Variants in CDKAL1 observed in about 807,000 individuals in gnomAD.
The protein encoded by CDKAL1 is CDKAL1 threonylcarbamoyladenosine tRNA methylthiotransferase.
CDKAL1 carries 32 observed loss-of-function variants against 68.2 expected under a neutral mutation model. The observed-to-expected ratio is 0.47, with a 90% CI of 0.35 to 0.63. CDKAL1 has a LOEUF of 0.63. Among genes scored for constraint, CDKAL1 ranks in the 30% least tolerant of loss-of-function variants. The pLI is 0.00. For missense variants in CDKAL1, 606 were observed against 696.7 expected (o/e 0.87, Z 1.47); for synonymous variants, 234 against 244.3 (o/e 0.96, Z 0.39).
intron 4 of CDKAL1, among the ~76,000 whole-genome samples, chr6:20,626,652 A>G (rs933401936): frequency 3.3e-5 from 5 of 152,132 alleles, no homozygotes; most frequent in Non-Finnish European, 7.4e-5. Flanking sequence ...TCATTTTTAC[A>G]TTTTGAGGGT....
chr6:21,040,920 C>T (rs1479389019), intron 11 of CDKAL1, among the ~76,000 whole-genome samples: 3 of 152,080 alleles, frequency 2.0e-5, no homozygotes, highest in Non-Finnish European at 2.9e-5. Context: ...GATAAGACTG[C>T]AGTTGCCCAT....
chr6:20,680,731 A>G (rs6931254), intron 5 of CDKAL1, among the ~76,000 whole-genome samples: 15,104 of 152,262 alleles, frequency 0.099, 2,418 homozygotes, highest in African/African-American at 0.34. Flanking sequence ...TGCTTTCTGC[A>G]TGGAGCTTTG....
intron 9 of CDKAL1, among the ~76,000 whole-genome samples, chr6:20,862,439 C>T (rs950983585): frequency 6.6e-6 from 1 of 152,160 alleles, no homozygotes; most frequent in Non-Finnish European, 1.5e-5. Context: ...ATAAAGCATA[C>T]TTACTAAATA....
chr6:20,597,280 C>T (rs1292960478), intron 4 of CDKAL1, among the ~76,000 whole-genome samples: 1 of 152,042 alleles, frequency 6.6e-6, no homozygotes, highest in African/African-American at 2.4e-5. Flanking sequence ...AGGCGCCTGC[C>T]ACCACGCCTT....
At chr6:21,118,104 C>CT (rs1774509631) in intron 13 of CDKAL1, among the ~76,000 whole-genome samples, 1 of 152,168 alleles carries the variant, frequency 6.6e-6, no homozygotes, top group Non-Finnish European at 1.5e-5. Flanking sequence ...TTTCCAATCT[C>CT]TCCCTACCCC....
chr6:21,208,813 C>T (rs1779037355), intron 15 of CDKAL1, among the ~76,000 whole-genome samples: 1 of 152,138 alleles, frequency 6.6e-6, no homozygotes. Flanking sequence ...TGCTGCTGAG[C>T]TATATTTTAT....
chr6:21,145,611 G>A (rs1776126549), intron 13 of CDKAL1, among the ~76,000 whole-genome samples: 1 of 152,242 alleles, frequency 6.6e-6, no homozygotes, highest in African/African-American at 2.4e-5. Context: ...AGGGAATAGA[G>A]TGATATCAAG....
chr6:20,977,897 T>C (rs924191120), intron 10 of CDKAL1, among the ~76,000 whole-genome samples: 1 of 152,058 alleles, frequency 6.6e-6, no homozygotes, highest in South Asian at 2.1e-4. Flanking sequence ...ATGATAATAA[T>C]AATAATCATT....
At chr6:20,984,887 C>T (rs953979051) in intron 10 of CDKAL1, among the ~76,000 whole-genome samples, 1 of 151,994 alleles carries the variant, frequency 6.6e-6, no homozygotes, top group Non-Finnish European at 1.5e-5. Flanking sequence ...TGTAAGTTCT[C>T]ATTTTGGGCT....
intron 13 of CDKAL1, among the ~76,000 whole-genome samples, chr6:21,161,219 G>T (rs1776911964): frequency 6.6e-6 from 1 of 151,828 alleles, no homozygotes; most frequent in Non-Finnish European, 1.5e-5. Context: ...ACTTGACAAG[G>T]CTACATTTTT....
intron 10 of CDKAL1, among the ~76,000 whole-genome samples, chr6:20,994,694 TAA>T (rs1174523413): frequency 2.0e-5 from 3 of 152,228 alleles, no homozygotes; most frequent in African/African-American, 7.2e-5. Flanking sequence ...CTAGTGTATG[TAA>T]AAGTTATGTT....
At chr6:20,541,629 C>T (rs1763389713) in intron 2 of CDKAL1, among the ~76,000 whole-genome samples, 1 of 152,034 alleles carries the variant, frequency 6.6e-6, no homozygotes, top group South Asian at 2.1e-4. Context: ...TTCCCCATTC[C>T]AGTGTCTAGG....
intron 13 of CDKAL1, among the ~76,000 whole-genome samples, chr6:21,111,651 A>G (rs781108907): frequency 6.6e-6 from 1 of 152,246 alleles, no homozygotes; most frequent in Non-Finnish European, 1.5e-5. Flanking sequence ...GCAAAAAGCA[A>G]ATAAAGCTAG....
chr6:20,548,841 G>C, intron 4 of CDKAL1, 136 bp downstream of exon 4: 1 of 524,152 alleles, frequency 1.9e-6, no homozygotes, highest in Non-Finnish European at 3.4e-6. Flanking sequence ...TACACATTTT[G>C]TAGATAACCA....
chr6:21,125,989 C>G (rs62404504), intron 13 of CDKAL1, among the ~76,000 whole-genome samples: 17,338 of 152,222 alleles, frequency 0.11, 1,023 homozygotes, highest in Middle Eastern at 0.15. Flanking sequence ...CAGTGGCTGA[C>G]ACATAACAGA....
At chr6:20,982,798 CT>C (rs367891362) in intron 10 of CDKAL1, among the ~76,000 whole-genome samples, 3 of 151,994 alleles carry the variant, frequency 2.0e-5, no homozygotes, top group African/African-American at 7.2e-5. Flanking sequence ...CAATTTCCCC[CT>C]CTAATATAAA....
intron 13 of CDKAL1, among the ~76,000 whole-genome samples, chr6:21,170,419 C>T (rs1777332864): frequency 6.6e-6 from 1 of 151,962 alleles, no homozygotes; most frequent in African/African-American, 2.4e-5. Flanking sequence ...AACCTCCAGC[C>T]CCTAGGTTCA....
intron 12 of CDKAL1, among the ~76,000 whole-genome samples, chr6:21,101,996 GCT>G (rs1302972455): frequency 1.3e-5 from 2 of 152,072 alleles, no homozygotes; most frequent in African/African-American, 4.8e-5. Context: ...ACTGTCTTCA[GCT>G]TCTTGCCTTT....
chr6:20,559,584 T>C (rs1302507351), intron 4 of CDKAL1: 1 of 152,216 alleles, frequency 6.6e-6, no homozygotes, highest in Non-Finnish European at 1.5e-5. Flanking sequence ...AAATGTCTGG[T>C]TTGCACTTCT....
Sources: gnomAD v4.1 joint callset for allele counts (sites outside exome capture counted in the v4.1 genomes callset) on GRCh38, gnomAD v4.1.1 for gene constraint, MANE v1.5 for transcripts, NCBI Gene and HGNC (gene_info 2026-07-23, HGNC 2026-07-21) for gene names.